GALNT14: variants seen among roughly 807,000 people sequenced by gnomAD.
The protein encoded by GALNT14 is UDP-GalNAc:polypeptide N-acetylgalactosaminyltransferase 14.
Under a neutral mutation model 77.5 loss-of-function variants are expected in GALNT14, and 60 were observed. The ratio of observed to expected loss-of-function variants is 0.77; its 90% CI spans 0.63 to 0.96. The LOEUF (loss-of-function observed/expected upper bound fraction) is 0.96. Ranked by LOEUF, GALNT14 falls within the 40% of genes least tolerant of loss-of-function variation. The probability of loss-of-function intolerance (pLI) is 0.00; values close to 1 mark genes in which losing one functional copy is unlikely to be tolerated. For missense variants in GALNT14, 710 were observed against 731.0 expected (o/e 0.97, Z 0.33); for synonymous variants, 280 against 281.7 (o/e 0.99, Z 0.06).
rs374248389 is a variant in GALNT14, at chr2:30,924,192, T to G, written c.1307A>C (p.Gln436Pro). Reference protein sequence around the residue: ...QRQKCLESQRQNNQETPNLKL... With the variant: ...QRQKCLESQRPNNQETPNLKL... ...TAGGTTTGGGGTTTCTTGGTTGTTCTGCCTTTGAGATTCCAGGCACTTCTG... is the reference window on the plus strand; with the variant it reads ...TAGGTTTGGGGTTTCTTGGTTGTTCGGCCTTTGAGATTCCAGGCACTTCTG... Residue 436 changes from glutamine to proline, a missense_variant, in exon 13 of 15, where the codon CAG becomes CCG. Physicochemically the swap from Gln to Pro is moderately conservative, Grantham distance 76. Transcript: ENST00000349752. 11 of 1,614,128 alleles carry G rather than the reference T, an allele frequency of 6.8e-6. No individual in the cohort carries two copies. The African/African-American group carries it at 1.5e-4, about 22-fold the overall frequency.
At chr2:31,090,655 T>C (rs753412144) in intron 1 of GALNT14, among the ~76,000 whole-genome samples, 3 of 152,014 alleles carry the variant, frequency 2.0e-5, no homozygotes, top group Non-Finnish European at 4.4e-5. Flanking sequence ...CTAATTTTTG[T>C]ATTTTTAGTA....
intron 2 of GALNT14, among the ~76,000 whole-genome samples, chr2:30,985,119 G>A (rs1350589699): frequency 6.6e-6 from 1 of 150,630 alleles, no homozygotes; most frequent in Non-Finnish European, 1.5e-5. Flanking sequence ...CTCAATAAAT[G>A]TGTGGAGTAA....
At chr2:31,013,088 C>T (rs921849162) in intron 1 of GALNT14, among the ~76,000 whole-genome samples, 2 of 152,186 alleles carry the variant, frequency 1.3e-5, no homozygotes, top group African/African-American at 4.8e-5. Context: ...GGCTCTGACA[C>T]TCTTGAGCAG....
At chr2:30,994,525 T>C (rs1432124482) in intron 1 of GALNT14, among the ~76,000 whole-genome samples, 1 of 152,254 alleles carries the variant, frequency 6.6e-6, no homozygotes, top group African/African-American at 2.4e-5. Context: ...AATGAAGCTT[T>C]GGAGACCAGA....
chr2:30,952,311 G>A (rs546795263), intron 6 of GALNT14, among the ~76,000 whole-genome samples: 2 of 152,098 alleles, frequency 1.3e-5, no homozygotes, highest in African/African-American at 2.4e-5. Flanking sequence ...ACATGCACAC[G>A]TATGTTTATT....
chr2:31,074,550 G>A (rs996661643), intron 1 of GALNT14, among the ~76,000 whole-genome samples: 3 of 152,078 alleles, frequency 2.0e-5, no homozygotes, highest in Non-Finnish European at 4.4e-5. Flanking sequence ...GGTCTGCCTG[G>A]GGCTAACTGG....
chr2:31,105,741 GA>G (rs1340161413), intron 1 of GALNT14, among the ~76,000 whole-genome samples: 1 of 151,640 alleles, frequency 6.6e-6, no homozygotes, highest in Non-Finnish European at 1.5e-5. Context: ...AAAAGAAAAA[GA>G]AAAAAAGAAA....
chr2:31,120,215 T>C (rs1367409482), intron 1 of GALNT14, among the ~76,000 whole-genome samples: 1 of 149,750 alleles, frequency 6.7e-6, no homozygotes, highest in South Asian at 2.1e-4. Context: ...TTCTAGAATA[T>C]ATACTTAAGT....
intron 2 of GALNT14, among the ~76,000 whole-genome samples, chr2:30,979,828 C>T (rs1668875722): frequency 1.3e-5 from 2 of 152,118 alleles, no homozygotes; most frequent in Non-Finnish European, 2.9e-5. Context: ...CAGAGGTCTC[C>T]CTCCCACAGC....
At chr2:30,992,111 T>C (rs975402600) in intron 2 of GALNT14, among the ~76,000 whole-genome samples, 2 of 152,132 alleles carry the variant, frequency 1.3e-5, no homozygotes, top group African/African-American at 2.4e-5. Context: ...GGAGCTGAGA[T>C]TGAGACTGAC....
chr2:31,071,515 C>T (rs1675364615), intron 1 of GALNT14, among the ~76,000 whole-genome samples: 1 of 152,188 alleles, frequency 6.6e-6, no homozygotes, highest in South Asian at 2.1e-4. Context: ...CTTTCCCTGC[C>T]CACCTAGACA....
intron 1 of GALNT14, among the ~76,000 whole-genome samples, chr2:31,098,998 A>G (rs530558732): frequency 6.6e-6 from 1 of 152,200 alleles, no homozygotes; most frequent in South Asian, 2.1e-4. Context: ...GGGGTGGCAG[A>G]GGCACAAGAA....
intron 1 of GALNT14, among the ~76,000 whole-genome samples, chr2:31,049,961 T>A (rs912059863): frequency 1.3e-4 from 19 of 151,552 alleles, no homozygotes; most frequent in African/African-American, 4.6e-4. Context: ...GACCAGGAGG[T>A]AGGGGTGGGA....
chr2:31,083,876 G>C (rs1366862445), intron 1 of GALNT14, among the ~76,000 whole-genome samples: 1 of 152,196 alleles, frequency 6.6e-6, no homozygotes, highest in African/African-American at 2.4e-5. Context: ...TGCTGCTGCT[G>C]AGTCTCAAAA....
At chr2:31,030,348 A>C (rs1040308451) in intron 1 of GALNT14, among the ~76,000 whole-genome samples, 8 of 152,152 alleles carry the variant, frequency 5.3e-5, no homozygotes, top group African/African-American at 1.9e-4. Context: ...GGAAAAAAAA[A>C]TCAAGGCATT....
intron 1 of GALNT14, among the ~76,000 whole-genome samples, chr2:31,077,923 G>A (rs1675901158): frequency 6.6e-6 from 1 of 152,324 alleles, no homozygotes; most frequent in Admixed American, 6.5e-5. Context: ...TGTCCACAGA[G>A]GAATGTATAG....
At chr2:31,042,327 A>T (rs1673150172) in intron 1 of GALNT14, among the ~76,000 whole-genome samples, 1 of 152,230 alleles carries the variant, frequency 6.6e-6, no homozygotes, top group African/African-American at 2.4e-5. Flanking sequence ...ATGTATGAAT[A>T]TGGAATGAAC....
intron 2 of GALNT14, among the ~76,000 whole-genome samples, chr2:30,985,254 G>A (rs1261733441): frequency 6.6e-6 from 1 of 152,226 alleles, no homozygotes; most frequent in African/African-American, 2.4e-5. Context: ...AGGCAGTTTA[G>A]ATGAATTCTC....
intron 1 of GALNT14, among the ~76,000 whole-genome samples, chr2:31,046,456 C>G (rs1673468252): frequency 6.6e-6 from 1 of 152,112 alleles, no homozygotes; most frequent in Non-Finnish European, 1.5e-5. Context: ...TCTCGATCTC[C>G]TGACGTCATG....
Sources: allele counts gnomAD v4.1 joint callset (sites outside exome capture counted in the v4.1 genomes callset), GRCh38; gene constraint gnomAD v4.1.1; transcripts MANE v1.5; gene names NCBI Gene and HGNC (gene_info 2026-07-23, HGNC 2026-07-21).